The following LEPR variants were observed in gnomAD, a reference collection of about 807,000 sequenced individuals.
The protein encoded by LEPR is OB receptor.
In LEPR, 56 loss-of-function variants were observed where a neutral mutation model predicts 114.7. The ratio of observed to expected loss-of-function variants is 0.49; its 90% CI spans 0.39 to 0.61. The LOEUF is 0.61. Ranked by LOEUF, LEPR falls within the 20% of genes least tolerant of loss-of-function variation. The pLI, the probability that LEPR is intolerant of heterozygous loss-of-function variation, is 0.00. For missense variants in LEPR, 1,202 were observed against 1,352.9 expected (o/e 0.89, Z 1.75); for synonymous variants, 443 against 461.4 (o/e 0.96, Z 0.51).
In LEPR at chr1:65,616,215, A is replaced by G. The variant is rs1657515490; in HGVS notation, c.2203A>G (p.Met735Val). 2 of 1,613,888 alleles carry G rather than the reference A, an allele frequency of 1.2e-6. No individual in the cohort carries two copies. Among genetic ancestry groups the G allele is most frequent in the Non-Finnish European group, 1.7e-6 (2 of 1,179,852 alleles). The change falls in exon 15 of 20, where the codon ATG (methionine) becomes GTG (valine). Residue 735 changes from methionine (M) to valine (V), a missense_variant. Met to Val is a conservative substitution (Grantham distance 21). Coordinates refer to ENST00000349533, the MANE Select transcript of LEPR (RefSeq NM_002303.6). ...ANFNLTFSWPMSKVNIVQSLS... is the reference protein window; with the variant it reads ...ANFNLTFSWPVSKVNIVQSLS... ...TTTTAATTTAACCTTTTCATGGCCT[A>G]TGAGCAAAGGTAAGAAGAGGTACAG...
intron 2 of LEPR, among the ~76,000 whole-genome samples, chr1:65,460,665 T>C (rs1303016651): frequency 6.6e-6 from 1 of 152,062 alleles, no homozygotes; most frequent in Non-Finnish European, 1.5e-5. Flanking sequence ...GAGACCAGCC[T>C]GGCCAACATG....
intron 2 of LEPR, among the ~76,000 whole-genome samples, chr1:65,466,188 G>A (rs1647009747): frequency 6.6e-6 from 1 of 152,116 alleles, no homozygotes; most frequent in African/African-American, 2.4e-5. Context: ...CATGTTTAGT[G>A]CTTCCTTCAA....
In LEPR at chr1:65,638,052, A is replaced by C. The variant is rs1243358534; in HGVS notation, c.*1037A>C. On this transcript the variant is annotated 3_prime_UTR_variant, in exon 20 of 20. Transcript: ENST00000349533. The stretch of plus-strand genomic sequence containing the variant: ...ATTTAAAAAAACTGACTTGTAATCA[A>C]AATTTATTAAGTAGAGGCTGGCACA... The C allele has an allele frequency of 2.0e-5, 3 of 152,162 alleles. No individual in the cohort carries two copies. Among genetic ancestry groups the C allele is most frequent in the Non-Finnish European group, 4.4e-5 (3 of 68,010 alleles). 9.4% of individuals were successfully genotyped at this position (152,162 alleles called of 1,614,324 possible).
intron 2 of LEPR, among the ~76,000 whole-genome samples, chr1:65,529,475 C>G (rs1392029254): frequency 6.7e-6 from 1 of 149,594 alleles, no homozygotes; most frequent in Non-Finnish European, 1.5e-5. Context: ...GAGCCAAGAT[C>G]GCACCACTGC....
In LEPR at chr1:65,616,015, T is replaced by A. The variant is rs1657504519; in HGVS notation, c.2003T>A (p.Met668Lys). ...KNVTLLWKPLMKNDSLCSVQR... is the reference protein window; with the variant it reads ...KNVTLLWKPLKKNDSLCSVQR... ...TTTCTATATTTACTACAGCCCCTGA[T>A]GAAAAATGACTCATTGTGCAGTGTT... The change falls in exon 15 of 20, where the codon ATG becomes AAG. Residue 668 changes from methionine to lysine, a missense_variant. By Grantham distance (95) the Met-to-Lys change is moderately conservative. Coordinates refer to ENST00000349533, the MANE Select transcript of LEPR (RefSeq NM_002303.6). 1 of 1,614,116 alleles carries A rather than the reference T, an allele frequency of 6.2e-7. No homozygotes were observed. Among genetic ancestry groups the A allele is most frequent in the Non-Finnish European group, 8.5e-7 (1 of 1,179,980 alleles).
At chr1:65,501,745 A>T (rs1383751095) in intron 2 of LEPR, among the ~76,000 whole-genome samples, 1 of 152,038 alleles carries the variant, frequency 6.6e-6, no homozygotes, top group African/African-American at 2.4e-5. Context: ...TAATGAGGAA[A>T]ACTAAAATTT....
At chr1:65,636,069 T>A in intron 19 of LEPR, 122 bp from the exon 20 acceptor site, 1 of 1,126,352 alleles carries the variant, frequency 8.9e-7, no homozygotes, top group Admixed American at 2.0e-5. Flanking sequence ...AAAAACTAGT[T>A]AATTTGTGGT....
At chr1:65,549,342 C>G (rs1194932425) in intron 2 of LEPR, among the ~76,000 whole-genome samples, 1 of 151,534 alleles carries the variant, frequency 6.6e-6, no homozygotes, top group Non-Finnish European at 1.5e-5. Context: ...TTTCCTGAAT[C>G]TGAATGTTGG....
chr1:65,511,955 A>G (rs776305031), intron 2 of LEPR, among the ~76,000 whole-genome samples: 1 of 152,198 alleles, frequency 6.6e-6, no homozygotes, highest in Non-Finnish European at 1.5e-5. Flanking sequence ...AAATTGACTC[A>G]TGGTTCTGCA....
chr1:65,466,502 T>C (rs4655598), intron 2 of LEPR, among the ~76,000 whole-genome samples: 1 of 151,872 alleles, frequency 6.6e-6, no homozygotes, highest in African/African-American at 2.4e-5. Flanking sequence ...AATTAATGTG[T>C]CTTGGGGTTG....
At chr1:65,557,506 A>T (rs1652904445) in intron 2 of LEPR, among the ~76,000 whole-genome samples, 1 of 151,740 alleles carries the variant, frequency 6.6e-6, no homozygotes, top group Non-Finnish European at 1.5e-5. Flanking sequence ...TGCAACCTTC[A>T]CCTCCCGGGT....
In LEPR at chr1:65,601,547, G is replaced by A; in HGVS notation, c.1150G>A (p.Val384Met). The change falls in exon 9 of 20, where the codon GTG (valine) becomes ATG (methionine). Residue 384 changes from valine (V) to methionine (M), a missense_variant. Transcript: ENST00000349533. ...AATTCCTCAAAGCCAGTATGATGTT[G>A]TGAGTGATCATGTTAGCAAAGTTAC... is the stretch of plus-strand genomic sequence containing the variant. ...EKIPQSQYDV[V>M]SDHVSKVTFF... 6.2e-7 allele frequency: 1 copy of A among 1,613,782 alleles called. No individual in the cohort carries two copies. The highest frequency in any genetic ancestry group is 8.5e-7 in the Non-Finnish European group (1 of 1,179,776).
intron 2 of LEPR, among the ~76,000 whole-genome samples, chr1:65,547,327 G>T (rs1052031726): frequency 1.2e-4 from 19 of 152,206 alleles, no homozygotes; most frequent in African/African-American, 4.6e-4. Context: ...CTCATAAAAT[G>T]AGTTAGGGAG....
At chr1:65,525,362 A>C (rs1043627654) in intron 2 of LEPR, among the ~76,000 whole-genome samples, 4 of 152,040 alleles carry the variant, frequency 2.6e-5, no homozygotes, top group Non-Finnish European at 4.4e-5. Context: ...CTGCCAGGGA[A>C]CTCGCGGCAC....
At chr1:65,431,730 G>A in intron 2 of LEPR, 2 of 1,479,734 alleles carry the variant, frequency 1.4e-6, no homozygotes, top group Non-Finnish European at 1.8e-6. Context: ...TTCTAATGCA[G>A]AAAATAATAG....
intron 2 of LEPR, among the ~76,000 whole-genome samples, chr1:65,456,163 T>C (rs1376306551): frequency 6.6e-6 from 1 of 152,048 alleles, no homozygotes; most frequent in Non-Finnish European, 1.5e-5. Context: ...CGCGCACCCA[T>C]TGACCTGCGC....
At chr1:65,488,256 C>CTTTCTTTCTTTCT (rs1557620468) in intron 2 of LEPR, among the ~76,000 whole-genome samples, 1 of 100,470 alleles carries the variant, frequency 1.0e-5, no homozygotes, top group African/African-American at 3.9e-5. Context: ...TTCTTTCTTT[C>CTTTCTTTCTTTCT]TTTTCTTTCT....
chr1:65,620,529 CA>C lies in LEPR; in HGVS notation c.2491+507del, dbSNP rs1360894710. Among the ~76,000 whole-genome samples the C allele has an allele frequency of 6.6e-5, 10 of 152,142 alleles. No individual in the cohort carries two copies. In the East Asian group the frequency reaches 1.9e-3, roughly 29 times the overall value. On this transcript the variant is annotated intron_variant, in intron 17 of 19. Coordinates refer to ENST00000349533, the MANE Select transcript of LEPR (RefSeq NM_002303.6). ...TGGGCAAAAAATAATTATATAATGT[CA>C]GATAGAAATAAGTGCCATGAAGGAA... is the stretch of plus-strand genomic sequence containing the variant.
chr1:65,522,874 A>G (rs1456564692), intron 2 of LEPR, among the ~76,000 whole-genome samples: 2 of 151,478 alleles, frequency 1.3e-5, no homozygotes, highest in African/African-American at 4.8e-5. Flanking sequence ...AAAATACTGA[A>G]TGAGTCAGGG....
Sources: allele counts gnomAD v4.1 joint callset (sites outside exome capture counted in the v4.1 genomes callset), GRCh38; gene constraint gnomAD v4.1.1; transcripts MANE v1.5; gene names NCBI Gene and HGNC (gene_info 2026-07-23, HGNC 2026-07-21).